The following ANXA3 variants were observed in gnomAD, a reference collection of about 807,000 sequenced individuals.
ANXA3 encodes the protein 35-alpha calcimedin.
ANXA3 carries 46 observed loss-of-function variants against 48.8 expected under a neutral mutation model. That is an observed-to-expected ratio of 0.94 (90% CI 0.74 to 1.21). The LOEUF (loss-of-function observed/expected upper bound fraction) is 1.21. Ranked by LOEUF, ANXA3 falls within the 50% of genes most tolerant of loss-of-function variation. The pLI is 0.00. For missense variants in ANXA3, 383 were observed against 378.6 expected, an observed-to-expected ratio of 1.01 and a Z score of -0.10; for synonymous variants, 128 against 134.7, an observed-to-expected ratio of 0.95 and a Z score of 0.35.
intron 3 of ANXA3, among the ~76,000 whole-genome samples, chr4:78,578,331 A>AGAGAGAC (rs1560444874): frequency 7.2e-5 from 3 of 41,422 alleles, no homozygotes; most frequent in South Asian, 1.1e-3. Context: ...GAGAGAGAGA[A>AGAGAGAC]AGGGAGGGAG....
chr4:78,561,295 T>C lies in ANXA3; in HGVS notation c.15+6807T>C, dbSNP rs543482551. 6.0e-4 allele frequency among the ~76,000 whole-genome samples: 91 copies of C among 152,244 alleles called. 1 individual carries two copies. Among genetic ancestry groups the C allele is most frequent in the Admixed American group, 9.8e-4 (15 of 15,298 alleles). ...GGAACAAGATTGGTGCAGTTTGACATATGAGGACACAGTCATCTCATTTCC... is the reference window on the plus strand; with the variant it reads ...GGAACAAGATTGGTGCAGTTTGACACATGAGGACACAGTCATCTCATTTCC... On this transcript the variant is annotated intron_variant, in intron 2 of 12. Coordinates refer to ENST00000264908, the MANE Select transcript of ANXA3 (RefSeq NM_005139.3).
intron 12 of ANXA3, among the ~76,000 whole-genome samples, chr4:78,606,472 G>C (rs998323202): frequency 6.6e-6 from 1 of 152,136 alleles, no homozygotes; most frequent in African/African-American, 2.4e-5. Flanking sequence ...TACCTCTGTG[G>C]GGGAGCTTAC....
intron 7 of ANXA3, among the ~76,000 whole-genome samples, chr4:78,592,073 T>C (rs980728975): frequency 6.6e-6 from 1 of 152,186 alleles, no homozygotes. Context: ...TTAAATTGAG[T>C]ATCAGTCTCA....
At chr4:78,595,701 G>A in intron 8 of ANXA3, 93 bp from the exon 9 acceptor site, 2 of 817,594 alleles carry the variant, frequency 2.4e-6, no homozygotes, top group Non-Finnish European at 4.0e-6. Flanking sequence ...AATAGATGAT[G>A]GCACTGACCT....
chr4:78,595,080 T>C (rs778646239), intron 7 of ANXA3, among the ~76,000 whole-genome samples: 1 of 152,226 alleles, frequency 6.6e-6, no homozygotes, highest in Non-Finnish European at 1.5e-5. Flanking sequence ...AAGGTTATAG[T>C]GAGCTATGAC....
At chr4:78,561,523 C>A (rs1722627775) in intron 2 of ANXA3, among the ~76,000 whole-genome samples, 1 of 152,092 alleles carries the variant, frequency 6.6e-6, no homozygotes, top group Admixed American at 6.5e-5. Flanking sequence ...CTTGCTTTGA[C>A]ACAGACATCC....
chr4:78,589,782 G>A (rs1469600839), intron 6 of ANXA3, among the ~76,000 whole-genome samples: 1 of 152,094 alleles, frequency 6.6e-6, no homozygotes. Context: ...TATCATGTTG[G>A]CCCTCATAAA....
rs888242701 is a variant in ANXA3 at position 78,610,360 on chromosome 4, A to C, written c.*245A>C. ...AAGATCTGCAACTACTATCCAACTT[A>C]TATTTCTGCTTTCAAAGTTAAGAAT... On this transcript the variant is annotated 3_prime_UTR_variant, in exon 13 of 13. Transcript: ENST00000264908. 5 of 305,422 alleles carry C rather than the reference A, an allele frequency of 1.6e-5. No homozygotes were observed. The highest frequency in any genetic ancestry group is 1.1e-4 in the African/African-American group (5 of 46,720). 18.9% of individuals were successfully genotyped at this position (305,422 alleles called of 1,614,324 possible).
chr4:78,558,019 C>T (rs568792588), intron 2 of ANXA3, among the ~76,000 whole-genome samples: 45 of 152,292 alleles, frequency 3.0e-4, no homozygotes, highest in African/African-American at 8.7e-4. Context: ...TACACACACA[C>T]AATGGAATAT....
At chr4:78,591,506 G>C (rs1723294152) in intron 6 of ANXA3, 38 bp from the exon 7 acceptor site, 1 of 1,412,128 alleles carries the variant, frequency 7.1e-7, no homozygotes, top group South Asian at 1.2e-5. Context: ...ATATTTTTCA[G>C]TTTGTCAAGG....
intron 3 of ANXA3, among the ~76,000 whole-genome samples, chr4:78,573,797 C>T (rs927406184): frequency 2.0e-5 from 3 of 152,084 alleles, no homozygotes; most frequent in East Asian, 1.9e-4. Flanking sequence ...CACCAAATGT[C>T]GGTGTTTCCG....
At chr4:78,556,992 A>G (rs1722528302) in intron 2 of ANXA3, among the ~76,000 whole-genome samples, 1 of 152,222 alleles carries the variant, frequency 6.6e-6, no homozygotes, top group Non-Finnish European at 1.5e-5. Flanking sequence ...ACAGTTCTAT[A>G]TGTTAGAAGC....
intron 6 of ANXA3, among the ~76,000 whole-genome samples, chr4:78,586,802 G>A (rs1723189911): frequency 6.6e-6 from 1 of 152,198 alleles, no homozygotes; most frequent in Admixed American, 6.5e-5. Flanking sequence ...TGCTGGCTGT[G>A]TAAAATTAGA....
At chr4:78,598,162 CT>C (rs1723459888) in intron 10 of ANXA3, among the ~76,000 whole-genome samples, 1 of 149,970 alleles carries the variant, frequency 6.7e-6, no homozygotes, top group South Asian at 2.1e-4. Context: ...AAGATCTTGT[CT>C]CTTTAATTAA....
chr4:78,598,398 G>A (rs561716731), intron 10 of ANXA3, among the ~76,000 whole-genome samples: 5 of 151,816 alleles, frequency 3.3e-5, no homozygotes, highest in South Asian at 4.2e-4. Flanking sequence ...AAGATAAGCC[G>A]AGGAGGCTAA....
At chr4:78,592,159 A>C (rs551967634) in intron 7 of ANXA3, among the ~76,000 whole-genome samples, 2 of 152,172 alleles carry the variant, frequency 1.3e-5, no homozygotes, top group African/African-American at 4.8e-5. Context: ...ATTAATCATC[A>C]TGTGACCTAA....
intron 12 of ANXA3, among the ~76,000 whole-genome samples, chr4:78,609,348 C>A (rs1723710739): frequency 6.6e-6 from 1 of 152,186 alleles, no homozygotes. Context: ...CCAAGTTTTA[C>A]CTCCTGTGAA....
At chr4:78,589,819 T>C (rs6533804) in intron 6 of ANXA3, among the ~76,000 whole-genome samples, 110,805 of 152,084 alleles carry the variant, frequency 0.73, 40,813 homozygotes, top group East Asian at 0.88. Flanking sequence ...TACAGCTTAT[T>C]CAGTACAGTG....
chr4:78,603,178 G>T (rs1723579126), intron 11 of ANXA3: 1 of 152,074 alleles, frequency 6.6e-6, no homozygotes, highest in African/African-American at 2.4e-5. Context: ...CCATCTACTA[G>T]AACATAAGCT....
Sources: allele counts gnomAD v4.1 joint callset (sites outside exome capture counted in the v4.1 genomes callset), GRCh38; gene constraint gnomAD v4.1.1; transcripts MANE v1.5; gene names NCBI Gene and HGNC (gene_info 2026-07-23, HGNC 2026-07-21).